The following LRRIQ1 variants were observed in gnomAD, a reference collection of about 807,000 sequenced individuals.
LRRIQ1 encodes the protein leucine rich repeats and IQ motif containing 1.
Under a neutral mutation model 211.9 loss-of-function variants are expected in LRRIQ1, and 210 were observed. The ratio of observed to expected loss-of-function variants is 0.99; its 90% CI spans 0.89 to 1.11. The LOEUF is 1.11. LRRIQ1 is among the 50% of genes most tolerant of loss of function. The pLI, the probability that LRRIQ1 is intolerant of heterozygous loss-of-function variation, is 0.00. For synonymous variants in LRRIQ1, 699 were observed against 650.1 expected (o/e 1.08, Z -1.14); for missense variants, 2,136 against 1,939.5 (o/e 1.10, Z -1.90).
At chr12:85,216,995 T>G (rs1246811453) in intron 24 of LRRIQ1, among the ~76,000 whole-genome samples, 3 of 152,104 alleles carry the variant, frequency 2.0e-5, no homozygotes, top group African/African-American at 7.2e-5. Flanking sequence ...GGTTTATTAC[T>G]TTCTAATATG....
At chr12:85,106,757 G>A in intron 15 of LRRIQ1, 142 bp downstream of exon 15, 1 of 611,320 alleles carries the variant, frequency 1.6e-6, no homozygotes, top group Non-Finnish European at 2.8e-6. Context: ...AAAAAGTTTT[G>A]TAAAAGTAGT....
intron 24 of LRRIQ1, among the ~76,000 whole-genome samples, chr12:85,177,734 G>A (rs866470921): frequency 1.2e-4 from 18 of 152,072 alleles, no homozygotes; most frequent in South Asian, 4.1e-4. Context: ...GTAAGCAAAA[G>A]ATAAAATGGT....
chr12:85,199,817 C>A (rs1893203221), intron 24 of LRRIQ1, among the ~76,000 whole-genome samples: 1 of 152,110 alleles, frequency 6.6e-6, no homozygotes, highest in Non-Finnish European at 1.5e-5. Flanking sequence ...CCTGGTACCG[C>A]CCTTGAAACA....
intron 24 of LRRIQ1, among the ~76,000 whole-genome samples, chr12:85,194,706 C>T (rs1258514943): frequency 3.3e-5 from 5 of 151,840 alleles, no homozygotes; most frequent in African/African-American, 9.7e-5. Context: ...ACTAAGTGCC[C>T]ACAAGAGAAA....
chr12:85,043,394 G>A (rs1879131225), intron 3 of LRRIQ1, among the ~76,000 whole-genome samples: 3 of 152,006 alleles, frequency 2.0e-5, no homozygotes, highest in African/African-American at 4.8e-5. Context: ...TTCAACTGGA[G>A]GCACCTACAT....
Position 85,141,721 on chromosome 12 carries a change from CATT to C in LRRIQ1, c.4329+3756_4329+3758del, listed in dbSNP as rs377518077. On this transcript the variant is annotated intron_variant, in intron 19 of 26. Transcript: ENST00000393217. Reference sequence around the variant, plus strand: ...TGCTTATTTTTATATTTTATTCTGGCATTATTTTTATTAGAGTATTTAGACTGT... The same window carrying C: ...TGCTTATTTTTATATTTTATTCTGGCATTTTTATTAGAGTATTTAGACTGT... 2.9e-3 allele frequency among the ~76,000 whole-genome samples: 434 copies of C among 150,734 alleles called. 4 individuals are homozygous for C. Among genetic ancestry groups the C allele is most frequent in the African/African-American group, 9.4e-3 (389 of 41,240 alleles).
intron 24 of LRRIQ1, among the ~76,000 whole-genome samples, chr12:85,180,407 TG>T (rs946247725): frequency 2.0e-5 from 3 of 151,896 alleles, no homozygotes; most frequent in Non-Finnish European, 4.4e-5. Context: ...TTAATAGAAC[TG>T]GGGGATCCCA....
intron 18 of LRRIQ1, among the ~76,000 whole-genome samples, chr12:85,133,113 T>C (rs1489751821): frequency 6.6e-6 from 1 of 152,180 alleles, no homozygotes; most frequent in African/African-American, 2.4e-5. Flanking sequence ...GGGGGAAATA[T>C]ATTTATTGAG....
intron 24 of LRRIQ1, among the ~76,000 whole-genome samples, chr12:85,200,992 CT>C (rs112924533): frequency 0.22 from 32,823 of 146,576 alleles, 8,439 homozygotes; most frequent in African/African-American, 0.63. Context: ...GCTAATTTTT[CT>C]TTTTTTTTTG....
At chr12:85,042,037 G>T (rs1296223568) in intron 3 of LRRIQ1, among the ~76,000 whole-genome samples, 1 of 151,826 alleles carries the variant, frequency 6.6e-6, no homozygotes, top group Non-Finnish European at 1.5e-5. Flanking sequence ...GAATTATGAA[G>T]AATGTTGACA....
intron 24 of LRRIQ1, among the ~76,000 whole-genome samples, chr12:85,175,454 T>C (rs1891647423): frequency 6.6e-6 from 1 of 152,060 alleles, no homozygotes; most frequent in Non-Finnish European, 1.5e-5. Context: ...GAAAAAGACT[T>C]CCAGGTAAAA....
Position 85,047,319 on chromosome 12 carries a change from A to G in LRRIQ1, c.527A>G (p.Glu176Gly), listed in dbSNP as rs1879724700. The G allele has an allele frequency of 1.2e-6, 2 of 1,612,328 alleles. No homozygotes were observed. The highest frequency in any genetic ancestry group is 2.7e-5 in the African/African-American group (2 of 74,814). The change falls in exon 6 of 27, where the codon GAG becomes GGG. Residue 176 changes from glutamate to glycine, a missense_variant. Transcript: ENST00000393217. ...KCRQSFEAWQ[E>G]KQKELEDKEK... ...AGACAGTCTTTTGAGGCTTGGCAAG[A>G]GAAACAGAAGGAATTAGAAGATAAA...
chr12:85,088,793 A>G (rs1004684728), intron 11 of LRRIQ1, among the ~76,000 whole-genome samples: 1 of 152,170 alleles, frequency 6.6e-6, no homozygotes, highest in Non-Finnish European at 1.5e-5. Flanking sequence ...TTGATTTTGT[A>G]TCCTGAGACT....
intron 24 of LRRIQ1, among the ~76,000 whole-genome samples, chr12:85,218,242 C>G (rs370499115): frequency 2.8e-4 from 42 of 151,782 alleles, no homozygotes; most frequent in African/African-American, 9.9e-4. Context: ...GGACTTACCC[C>G]CTAGACAATT....
At chr12:85,248,143 T>C (rs1484430588), downstream of LRRIQ1, among the ~76,000 whole-genome samples, 1 of 151,656 alleles carries the variant, frequency 6.6e-6, no homozygotes, top group Admixed American at 6.6e-5. Flanking sequence ...CAATATATAA[T>C]AATACTTTTA....
At chr12:85,221,782 T>C (rs1592990685) in intron 24 of LRRIQ1, among the ~76,000 whole-genome samples, 1 of 152,284 alleles carries the variant, frequency 6.6e-6, no homozygotes, top group African/African-American at 2.4e-5. Flanking sequence ...AGACCTATAC[T>C]TTATGGAAAA....
At chr12:85,113,293 G>C (rs1887317959) in intron 15 of LRRIQ1, among the ~76,000 whole-genome samples, 1 of 152,054 alleles carries the variant, frequency 6.6e-6, no homozygotes, top group Non-Finnish European at 1.5e-5. Context: ...TTTACGCAGA[G>C]AGTTTAACAG....
At chr12:85,187,295 C>T (rs1435626009) in intron 24 of LRRIQ1, among the ~76,000 whole-genome samples, 1 of 152,034 alleles carries the variant, frequency 6.6e-6, no homozygotes, top group Non-Finnish European at 1.5e-5. Flanking sequence ...GTTTGTCAGT[C>T]ATGTGTTTAG....
At chr12:85,047,938 G>T (rs772503295) in intron 6 of LRRIQ1, 1 of 155,978 alleles carries the variant, frequency 6.4e-6, no homozygotes, top group Non-Finnish European at 1.4e-5. Flanking sequence ...GCAACTTTTT[G>T]GTGTGAAGTT....
Sources: gnomAD v4.1 joint callset for allele counts (sites outside exome capture counted in the v4.1 genomes callset) on GRCh38, gnomAD v4.1.1 for gene constraint, MANE v1.5 for transcripts, NCBI Gene and HGNC (gene_info 2026-07-23, HGNC 2026-07-21) for gene names.